The following LRP5 variants were observed in gnomAD, a reference collection of about 807,000 sequenced individuals.
The protein encoded by LRP5 is LDL receptor related protein 5, also known as low-density lipoprotein receptor-related protein 5.
LRP5 carries 62 observed loss-of-function variants against 154.1 expected under a neutral mutation model. The observed-to-expected ratio is 0.40, with a 90% CI of 0.33 to 0.50. The LOEUF is 0.50. Among genes scored for constraint, LRP5 ranks in the 20% least tolerant of loss-of-function variants. The pLI is 0.55. For missense variants in LRP5, 1,915 were observed against 2,336.7 expected (o/e 0.82, Z 3.72); for synonymous variants, 966 against 1,011.5 (o/e 0.96, Z 0.85).
intron 21 of LRP5, 30 bp downstream of exon 21, chr11:68,439,946 C>CGGGAT (rs2098677290): frequency 4.5e-6 from 2 of 448,260 alleles, no homozygotes; most frequent in South Asian, 3.5e-5. Context: ...AGGGGCGGGG[C>CGGGAT]GGGATGGGGC....
In LRP5 at chr11:68,433,883, C is replaced by A. The variant is rs1019288725; in HGVS notation, c.4000+45C>A. 4.4e-6 allele frequency: 7 copies of A among 1,574,330 alleles called. No homozygotes were observed. The South Asian group carries it at 7.9e-5, about 18-fold the overall frequency. On this transcript the variant is annotated intron_variant, in intron 18 of 22. Coordinates refer to ENST00000294304, the MANE Select transcript of LRP5 (RefSeq NM_002335.4). ...GGCTCTGCCAAGACCCTGGCCCTGC[C>A]CTCCGGGATACGAGCTTGGGGCTGC...
chr11:68,334,694 G>A (rs1271191855), intron 1 of LRP5, among the ~76,000 whole-genome samples: 1 of 152,048 alleles, frequency 6.6e-6, no homozygotes, highest in Non-Finnish European at 1.5e-5. Context: ...GGCCAATGTG[G>A]CGAAACTCCG....
At chr11:68,389,742 A>T in intron 6 of LRP5, 139 bp from the exon 7 acceptor site, 1 of 832,188 alleles carries the variant, frequency 1.2e-6, no homozygotes, top group Non-Finnish European at 2.0e-6. Flanking sequence ...ACCGACATTT[A>T]CTGACACCAA....
At chr11:68,412,305 C>G (rs991731596) in intron 11 of LRP5, among the ~76,000 whole-genome samples, 11 of 152,104 alleles carry the variant, frequency 7.2e-5, no homozygotes, top group Non-Finnish European at 4.4e-5. Flanking sequence ...AAAGGAACCC[C>G]CATCCCCCCT....
At chr11:68,409,601 C>G (rs2098658264) in intron 9 of LRP5, among the ~76,000 whole-genome samples, 1 of 151,720 alleles carries the variant, frequency 6.6e-6, no homozygotes, top group Admixed American at 6.6e-5. Flanking sequence ...AATCTCAGCA[C>G]TTTGGGAGGC....
intron 5 of LRP5, among the ~76,000 whole-genome samples, chr11:68,378,316 T>C (rs1315858860): frequency 6.6e-6 from 1 of 152,294 alleles, no homozygotes; most frequent in East Asian, 1.9e-4. Context: ...GACGGTGTGC[T>C]GGCCAGATAG....
rs1489790086 is a variant in LRP5 at position 68,447,944 on chromosome 11, C to T, written c.4587-865C>T. 1.3e-5 allele frequency among the ~76,000 whole-genome samples: 2 copies of T among 152,106 alleles called. No individual in the cohort carries two copies. The highest frequency in any genetic ancestry group is 2.9e-5 in the Non-Finnish European group (2 of 68,020). On this transcript the variant is annotated intron_variant, in intron 22 of 22. Coordinates refer to ENST00000294304, the MANE Select transcript of LRP5 (RefSeq NM_002335.4). This position sits in a 1 kb window ranked among gnomAD's most constrained non-coding sequence, Gnocchi z 4.3. ...GAACTCAGGATGGAAGTGTTCCGGGCCCATTGGTTGCTGTATTAGCCTGTT... is the reference window on the plus strand; with the variant it reads ...GAACTCAGGATGGAAGTGTTCCGGGTCCATTGGTTGCTGTATTAGCCTGTT...
intron 1 of LRP5, among the ~76,000 whole-genome samples, chr11:68,338,671 G>C (rs1241898922): frequency 6.6e-6 from 1 of 152,102 alleles, no homozygotes; most frequent in East Asian, 1.9e-4. Flanking sequence ...GTGCTGAGCA[G>C]GGGTGCCTGA....
chr11:68,387,255 C>T (rs907606290), intron 6 of LRP5, among the ~76,000 whole-genome samples: 1 of 152,058 alleles, frequency 6.6e-6, no homozygotes, highest in Non-Finnish European at 1.5e-5. Flanking sequence ...GCTGGGATTA[C>T]AGGTGCCTGC....
intron 3 of LRP5, among the ~76,000 whole-genome samples, chr11:68,361,666 T>G (rs1436494243): frequency 1.4e-5 from 2 of 147,352 alleles, no homozygotes; most frequent in African/African-American, 2.5e-5. Context: ...AAAATAAAAT[T>G]AGAAAATTAG....
At chr11:68,436,099 TCTC>T (rs2098674730) in intron 18 of LRP5, among the ~76,000 whole-genome samples, 1 of 152,172 alleles carries the variant, frequency 6.6e-6, no homozygotes, top group Admixed American at 6.5e-5. Flanking sequence ...CGCTCTAGCT[TCTC>T]CTCCCGTGTG....
chr11:68,439,603 C>G (rs979431415), intron 20 of LRP5, among the ~76,000 whole-genome samples, 174 bp from the exon 21 acceptor site: 1 of 152,190 alleles, frequency 6.6e-6, no homozygotes, highest in Non-Finnish European at 1.5e-5. Flanking sequence ...GGAGCTCACT[C>G]TAGTAGTGGC....
At chr11:68,398,457 G>A (rs2098650770) in intron 7 of LRP5, among the ~76,000 whole-genome samples, 1 of 152,192 alleles carries the variant, frequency 6.6e-6, no homozygotes, top group Non-Finnish European at 1.5e-5. Flanking sequence ...CTGGACCCTT[G>A]GGTGGCCTCT....
At position 68,316,549 on chromosome 11, in the gene LRP5, G is replaced by C. The variant is rs570022662; in HGVS notation, c.91+3744G>C. Among the ~76,000 whole-genome samples the C allele has an allele frequency of 6.8e-4, 103 of 152,348 alleles. 1 individual carries two copies. The highest frequency in any genetic ancestry group is 2.4e-3 in the African/African-American group (100 of 41,586). ...GGCCTCCCAAAGTGCTGGGATTACA[G>C]GTGTGAGCCATCACGCCCGGCCTAT... On this transcript the variant is annotated intron_variant, in intron 1 of 22. Transcript: ENST00000294304.
chr11:68,361,981 C>T (rs1447296889), intron 3 of LRP5, among the ~76,000 whole-genome samples: 5 of 152,188 alleles, frequency 3.3e-5, no homozygotes, highest in African/African-American at 4.8e-5. Flanking sequence ...CAGTAATGTC[C>T]GTAGCAGCAC....
At position 68,403,611 on chromosome 11, in the gene LRP5, G is replaced by A. The variant is rs767464846; in HGVS notation, c.1713G>A (p.Val571=). 34 of 1,614,084 alleles carry A rather than the reference G, an allele frequency of 2.1e-5. No homozygotes were observed. In the African/African-American group the frequency reaches 2.9e-4, roughly 14 times the overall value. The change falls in exon 8 of 23, where the codon GTG becomes GTA. Residue 571 remains valine (V), a synonymous_variant. Transcript: ENST00000294304. ...GGCAGCGCCGCAGCATCGAGCGGGTGCACAAGGTCAAGGCCAGCCGGGACG... is the reference window on the plus strand; with the variant it reads ...GGCAGCGCCGCAGCATCGAGCGGGTACACAAGGTCAAGGCCAGCCGGGACG... ...TDWQRRSIER[V]HKVKASRDVI...
chr11:68,420,813 T>C (rs957096423), intron 13 of LRP5, among the ~76,000 whole-genome samples: 4 of 152,188 alleles, frequency 2.6e-5, no homozygotes, highest in African/African-American at 9.7e-5. Flanking sequence ...AAGGCCACTA[T>C]GAACATTTCC....
intron 1 of LRP5, among the ~76,000 whole-genome samples, chr11:68,344,571 C>T (rs1353807231): frequency 1.3e-5 from 2 of 152,066 alleles, no homozygotes; most frequent in Non-Finnish European, 2.9e-5. Context: ...CTGCCCGCCT[C>T]GGCCTCCCAA....
chr11:68,390,969 A>AT lies in LRP5; in HGVS notation c.1584+921dup, dbSNP rs781130054. Among the ~76,000 whole-genome samples the AT allele has an allele frequency of 7.8e-4, 118 of 151,928 alleles. No individual in the cohort carries two copies. The Middle Eastern group carries it at 0.01, about 13-fold the overall frequency. Reference sequence around the variant, plus strand: ...TTTGTTTGTTGTTTGTTTTTGTTTGATTTTGTTTGATTGTTTGTTTTTGTT... The same window carrying AT: ...TTTGTTTGTTGTTTGTTTTTGTTTGATTTTTGTTTGATTGTTTGTTTTTGTT... On this transcript the variant is annotated intron_variant, in intron 7 of 22. Transcript: ENST00000294304.
Sources: allele counts gnomAD v4.1 joint callset (sites outside exome capture counted in the v4.1 genomes callset), GRCh38; gene constraint gnomAD v4.1.1; non-coding constraint Gnocchi (gnomAD v3.1); transcripts MANE v1.5; gene names NCBI Gene and HGNC (gene_info 2026-07-23, HGNC 2026-07-21).